The following CCDC141 variants were observed in gnomAD, a reference collection of about 807,000 sequenced individuals.
CCDC141 encodes coiled-coil domain containing 141.
Under a neutral mutation model 181.0 loss-of-function variants are expected in CCDC141, and 168 were observed. That is an observed-to-expected ratio of 0.93 (90% CI 0.82 to 1.05). The LOEUF is 1.05. CCDC141 is among the 50% of genes least tolerant of loss of function. CCDC141 has a pLI of 0.00. For missense variants in CCDC141, 1,902 were observed against 1,788.5 expected (o/e 1.06, Z -1.14); for synonymous variants, 666 against 642.3 (o/e 1.04, Z -0.56).
At chr2:178,841,285 C>T (rs1249774861) in intron 22 of CCDC141, among the ~76,000 whole-genome samples, 1 of 152,182 alleles carries the variant, frequency 6.6e-6, no homozygotes, top group Non-Finnish European at 1.5e-5. Context: ...TCATTCAGTA[C>T]ACATTTCTCC....
chr2:178,879,765 T>A (rs1275375254), intron 11 of CCDC141, among the ~76,000 whole-genome samples: 1 of 152,194 alleles, frequency 6.6e-6, no homozygotes, highest in African/African-American at 2.4e-5. Context: ...GATCTGTGTC[T>A]TGAGAAATTG....
intron 5 of CCDC141, among the ~76,000 whole-genome samples, chr2:178,948,030 T>C (rs1457674241): frequency 6.6e-6 from 1 of 152,090 alleles, no homozygotes. Flanking sequence ...CAAAACCATC[T>C]CTACTAAAAA....
intron 2 of CCDC141, among the ~76,000 whole-genome samples, chr2:178,982,269 TA>T (rs1691452072): frequency 6.6e-6 from 1 of 152,136 alleles, no homozygotes; most frequent in Admixed American, 6.5e-5. Context: ...TTACAGAGTA[TA>T]AGATCAATAA....
chr2:178,931,418 C>T (rs1186139549), intron 6 of CCDC141, among the ~76,000 whole-genome samples: 1 of 152,034 alleles, frequency 6.6e-6, no homozygotes, highest in Non-Finnish European at 1.5e-5. Flanking sequence ...GTGAAAACAA[C>T]CCAAATGCCT....
intron 7 of CCDC141, among the ~76,000 whole-genome samples, chr2:178,913,783 A>G (rs1190315917): frequency 2.6e-5 from 4 of 152,174 alleles, no homozygotes; most frequent in African/African-American, 9.7e-5. Flanking sequence ...CAGGCTGACC[A>G]CCCAAAAATC....
intron 21 of CCDC141, among the ~76,000 whole-genome samples, chr2:178,846,356 A>G (rs1346425694): frequency 2.6e-5 from 4 of 152,302 alleles, no homozygotes; most frequent in African/African-American, 7.2e-5. Context: ...AGCCGAGAAG[A>G]CTTTGTAAAG....
rs1382198139 is a variant in CCDC141, at chr2:178,830,181, A to G, written c.*3992T>C. On this transcript the variant is annotated 3_prime_UTR_variant, in exon 24 of 24. Transcript: ENST00000443758. The stretch of plus-strand genomic sequence containing the variant: ...CGGATGATGATTTATGCCTAAGTAC[A>G]TATGTTTTAAAATGTTGGAACACTT... 6.6e-6 allele frequency: 1 copy of G among 152,228 alleles called. No individual in the cohort carries two copies. Among genetic ancestry groups the G allele is most frequent in the Admixed American group, 6.5e-5 (1 of 15,282 alleles). The allele number at this position is 152,228 out of a possible 1,614,324, so 9.4% of individuals were successfully genotyped here. A position where few individuals can be genotyped will look rare whatever the true frequency, so the allele number is the denominator to read the frequency against.
At position 178,940,451 on chromosome 2, in the gene CCDC141, G is replaced by T. The variant is rs1487724276; in HGVS notation, c.897+4084C>A. On this transcript the variant is annotated intron_variant, in intron 6 of 23. Coordinates refer to ENST00000443758, the MANE Select transcript of CCDC141 (RefSeq NM_173648.4). The stretch of plus-strand genomic sequence containing the variant: ...ACGTAACTCTGTATTTTAGAAATAG[G>T]ACTATGTCTAAAGACATATGTTGAG... Among the ~76,000 whole-genome samples the T allele has an allele frequency of 2.0e-5, 3 of 152,244 alleles. No homozygotes were observed. In the East Asian group the frequency reaches 5.8e-4, roughly 29 times the overall value.
chr2:178,976,385 T>C lies in CCDC141; in HGVS notation c.418-1220A>G, dbSNP rs1691123382. 3.3e-5 allele frequency among the ~76,000 whole-genome samples: 5 copies of C among 152,208 alleles called. No homozygotes were observed. The South Asian group carries it at 8.3e-4, about 25-fold the overall frequency. ...GATTCTTAATATTTTAATGTAACTA[T>C]TTGATTAACACAATCGACTGTAGTT... On this transcript the variant is annotated intron_variant, in intron 3 of 23. Coordinates refer to ENST00000443758, the MANE Select transcript of CCDC141 (RefSeq NM_173648.4).
intron 5 of CCDC141, among the ~76,000 whole-genome samples, chr2:178,959,083 A>G (rs1690279816): frequency 6.6e-6 from 1 of 151,952 alleles, no homozygotes; most frequent in African/African-American, 2.4e-5. Flanking sequence ...CATAGGTGGG[A>G]ACTGAACAAT....
intron 2 of CCDC141, among the ~76,000 whole-genome samples, chr2:178,991,893 A>T (rs1692073111): frequency 6.6e-6 from 1 of 151,858 alleles, no homozygotes; most frequent in Non-Finnish European, 1.5e-5. Context: ...CAAGTTTTGG[A>T]TTTTCTGCAA....
At chr2:178,980,596 G>A (rs1036861354) in intron 2 of CCDC141, among the ~76,000 whole-genome samples, 12 of 152,130 alleles carry the variant, frequency 7.9e-5, no homozygotes, top group Non-Finnish European at 5.9e-5. Context: ...ATATTTTTAC[G>A]TGCCCTTGCT....
In CCDC141 at chr2:178,853,581, A is replaced by T. The variant is rs952664164; in HGVS notation, c.3104T>A (p.Val1035Asp). The T allele has an allele frequency of 7.4e-6, 12 of 1,613,806 alleles. No homozygotes were observed. The highest frequency in any genetic ancestry group is 3.3e-5 in the South Asian group (3 of 91,036). The change falls in exon 20 of 24, where the codon GTT (valine) becomes GAT (aspartate). Residue 1035 changes from valine to aspartate, a missense_variant. Transcript: ENST00000443758. ...YEDASATVVR[V>D]GKYSTECKTK... ...CTTGCACTCTGTGGAATATTTTCCA[A>T]CTCTTACAACTGTGGCACTTGCATC...
At chr2:178,904,906 T>C (rs918648244) in intron 8 of CCDC141, among the ~76,000 whole-genome samples, 1 of 152,172 alleles carries the variant, frequency 6.6e-6, no homozygotes, top group Non-Finnish European at 1.5e-5. Context: ...ACCAAGGTCA[T>C]AACTGGAAGG....
At chr2:178,886,966 C>T in intron 9 of CCDC141, 95 bp from the exon 10 acceptor site, 2 of 685,866 alleles carry the variant, frequency 2.9e-6, no homozygotes, top group Non-Finnish European at 2.1e-6. Context: ...TTTATAGATT[C>T]TCATTATACT....
chr2:179,025,690 A>G (rs1477048502), intron 2 of CCDC141, among the ~76,000 whole-genome samples: 2 of 152,188 alleles, frequency 1.3e-5, no homozygotes, highest in East Asian at 1.9e-4. Context: ...ATGTGGAAGT[A>G]ACTTTGAAAC....
chr2:178,989,883 T>C (rs529923919), intron 2 of CCDC141, among the ~76,000 whole-genome samples: 1 of 141,216 alleles, frequency 7.1e-6, no homozygotes, highest in Non-Finnish European at 1.5e-5. Context: ...TTCACACCTG[T>C]AATCCCAGCA....
chr2:178,968,203 T>A (rs1168002401), intron 4 of CCDC141, among the ~76,000 whole-genome samples: 1 of 152,134 alleles, frequency 6.6e-6, no homozygotes. Context: ...ACAAGGATAC[T>A]CAGGACTTGA....
chr2:179,046,985 A>G (rs1049174125), intron 2 of CCDC141, among the ~76,000 whole-genome samples: 3 of 152,222 alleles, frequency 2.0e-5, no homozygotes. Flanking sequence ...AATGCATGAA[A>G]TGAAAAAATG....
Sources: gnomAD v4.1 joint callset for allele counts (sites outside exome capture counted in the v4.1 genomes callset) on GRCh38, gnomAD v4.1.1 for gene constraint, MANE v1.5 for transcripts, NCBI Gene and HGNC (gene_info 2026-07-23, HGNC 2026-07-21) for gene names.